CDC73: variants seen among roughly 807,000 people sequenced by gnomAD.
CDC73 encodes parafibromin.
Under a neutral mutation model 83.7 loss-of-function variants are expected in CDC73, and 21 were observed. That is an observed-to-expected ratio of 0.25 (90% confidence interval 0.18 to 0.36). The LOEUF (loss-of-function observed/expected upper bound fraction) is 0.36. CDC73 is among the 10% of genes least tolerant of loss of function. The pLI is 1.00. For missense variants in CDC73, 342 were observed against 653.3 expected (o/e 0.52, Z 5.19); for synonymous variants, 224 against 212.9 (o/e 1.05, Z -0.45).
Position 193,221,170 on chromosome 1 carries a change from G to A in CDC73, c.1154+8693G>A, listed in dbSNP as rs188856149. ...TAAATAAAGAAAAAGAAAAGGATGA[G>A]GGAGCACATTGAGAAGAGAAGATTG... On this transcript the variant is annotated intron_variant, in intron 13 of 16. Transcript: ENST00000367435. Among the ~76,000 whole-genome samples, 979 of 152,256 alleles carry A rather than the reference G, an allele frequency of 6.4e-3. 6 individuals are homozygous for A. The highest frequency in any genetic ancestry group is 0.011 in the Non-Finnish European group (730 of 67,988).
chr1:193,231,255 G>A (rs966231836), intron 13 of CDC73, among the ~76,000 whole-genome samples: 1 of 152,234 alleles, frequency 6.6e-6, no homozygotes, highest in East Asian at 1.9e-4. Context: ...AGAGGGAGAT[G>A]CAGTCTTATA....
chr1:193,230,072 A>G (rs1677634417), intron 13 of CDC73, among the ~76,000 whole-genome samples: 1 of 152,130 alleles, frequency 6.6e-6, no homozygotes, highest in Non-Finnish European at 1.5e-5. Context: ...TCAAAAATAC[A>G]CTAAAATGAA....
chr1:193,212,012 A>G (rs1677287918), intron 11 of CDC73, 53 bp from the exon 12 acceptor site: 2 of 1,383,344 alleles, frequency 1.4e-6, no homozygotes, highest in South Asian at 1.2e-5. Flanking sequence ...AAGTTTGAAA[A>G]TAAGAATATG....
At chr1:193,237,793 C>T (rs1572218749) in intron 15 of CDC73, among the ~76,000 whole-genome samples, 1 of 152,112 alleles carries the variant, frequency 6.6e-6, no homozygotes, top group African/African-American at 2.4e-5. Context: ...CCTAGCTGCA[C>T]GTCCAGGAAA....
intron 9 of CDC73, 144 bp from the exon 10 acceptor site, chr1:193,152,236 G>A (rs542517627): frequency 9.8e-6 from 6 of 610,570 alleles, no homozygotes; most frequent in East Asian, 2.9e-5. Context: ...TCACAAGTAC[G>A]TAATTTAATT....
At chr1:193,199,374 C>G (rs1050880192) in intron 10 of CDC73, among the ~76,000 whole-genome samples, 2 of 151,874 alleles carry the variant, frequency 1.3e-5, no homozygotes, top group Non-Finnish European at 2.9e-5. Context: ...ACTTGTGCAA[C>G]AAAATGAGGC....
At chr1:193,201,543 G>A (rs1359639485) in intron 10 of CDC73, among the ~76,000 whole-genome samples, 3 of 152,112 alleles carry the variant, frequency 2.0e-5, no homozygotes, top group Admixed American at 6.5e-5. Flanking sequence ...TTTGATTGAT[G>A]TAGTCTAGGA....
chr1:193,219,541 C>T (rs1677429224), intron 13 of CDC73, among the ~76,000 whole-genome samples: 1 of 152,148 alleles, frequency 6.6e-6, no homozygotes, highest in Non-Finnish European at 1.5e-5. Flanking sequence ...TACATACATG[C>T]CACGGAATAC....
At chr1:193,130,452 A>G (rs1000608896) in intron 3 of CDC73, among the ~76,000 whole-genome samples, 4 of 152,142 alleles carry the variant, frequency 2.6e-5, no homozygotes, top group Non-Finnish European at 5.9e-5. Context: ...TGTGGATTCC[A>G]TCTCCTTTCA....
intron 10 of CDC73, among the ~76,000 whole-genome samples, chr1:193,170,014 A>G (rs1206777059): frequency 2.0e-5 from 3 of 151,932 alleles, no homozygotes; most frequent in African/African-American, 7.3e-5. Flanking sequence ...TATTATCATC[A>G]TTTAGCTGCC....
intron 13 of CDC73, among the ~76,000 whole-genome samples, chr1:193,219,604 T>C (rs1677431419): frequency 6.6e-6 from 1 of 152,166 alleles, no homozygotes; most frequent in African/African-American, 2.4e-5. Context: ...TGGATGCAGC[T>C]GGAAGCCATT....
chr1:193,180,909 C>T, intron 10 of CDC73: 2 of 1,613,730 alleles, frequency 1.2e-6, no homozygotes, highest in Non-Finnish European at 1.7e-6. Flanking sequence ...CTAAGTATTC[C>T]TGTTGAATTA....
rs752785568 is a variant in CDC73 at position 193,138,135 on chromosome 1, G to A, written c.474G>A (p.Glu158=). ...AAGAGAGATTGGCTGCCCGTTTGGAGGGTCACAAAGAAGGGATTGTACAGA... is the reference window on the plus strand; with the variant it reads ...AAGAGAGATTGGCTGCCCGTTTGGAAGGTCACAAAGAAGGGATTGTACAGA... The part of the protein sequence containing the change: ...LDKERLAARL[E]GHKEGIVQTE... The change falls in exon 6 of 17, where the codon GAG becomes GAA. Residue 158 remains glutamate, a synonymous_variant. Transcript: ENST00000367435. 6.2e-7 allele frequency: 1 copy of A among 1,613,630 alleles called. No homozygotes were observed. The highest frequency in any genetic ancestry group is 8.5e-7 in the Non-Finnish European group (1 of 1,179,634).
At position 193,197,620 on chromosome 1, in the gene CDC73, A is replaced by G. The variant is rs534026950; in HGVS notation, c.973-6175A>G. ...TCTGTTTTCTTATCTGGCACTTACT[A>G]TGCTTTCAGTAAGTGTATGTAGAGG... On this transcript the variant is annotated intron_variant, in intron 10 of 16. Transcript: ENST00000367435. Among the ~76,000 whole-genome samples the G allele has an allele frequency of 5.9e-5, 9 of 152,158 alleles. 1 individual carries two copies. In the South Asian group the frequency reaches 1.0e-3, roughly 18 times the overall value.
chr1:193,203,936 C>A, intron 11 of CDC73, 84 bp downstream of exon 11: 1 of 1,106,040 alleles, frequency 9.0e-7, no homozygotes, highest in Non-Finnish European at 1.4e-6. Context: ...ATGCTTTGAA[C>A]AAACTTAAAT....
intron 10 of CDC73, among the ~76,000 whole-genome samples, chr1:193,162,589 G>A (rs1371742070): frequency 4.0e-5 from 6 of 151,618 alleles, no homozygotes; most frequent in South Asian, 2.1e-4. Flanking sequence ...TGCTGGTCTC[G>A]AACTCCTGAC....
At chr1:193,216,772 G>T (rs1232769250) in intron 13 of CDC73, among the ~76,000 whole-genome samples, 1 of 152,156 alleles carries the variant, frequency 6.6e-6, no homozygotes, top group Non-Finnish European at 1.5e-5. Flanking sequence ...TTATCCCTGG[G>T]ATGCAGGGTT....
chr1:193,230,991 G>T (rs1677654306), intron 13 of CDC73, among the ~76,000 whole-genome samples: 1 of 152,120 alleles, frequency 6.6e-6, no homozygotes, highest in Non-Finnish European at 1.5e-5. Flanking sequence ...TTCTAGGACG[G>T]TGGTTAATTG....
intron 9 of CDC73, among the ~76,000 whole-genome samples, chr1:193,152,071 A>C (rs1309609748): frequency 3.3e-5 from 5 of 152,200 alleles, no homozygotes; most frequent in Non-Finnish European, 7.3e-5. Context: ...ATTGAGTATT[A>C]GTAGTAAGTA....
Sources: allele counts gnomAD v4.1 joint callset (sites outside exome capture counted in the v4.1 genomes callset), GRCh38; gene constraint gnomAD v4.1.1; transcripts MANE v1.5; gene names NCBI Gene and HGNC (gene_info 2026-07-23, HGNC 2026-07-21).